VPS41: variants seen among roughly 807,000 people sequenced by gnomAD.
The protein encoded by VPS41 is vacuolar protein sorting-associated protein 41 homolog.
Under a neutral mutation model 130.9 loss-of-function variants are expected in VPS41, and 85 were observed. The ratio of observed to expected loss-of-function variants is 0.65; its 90% CI spans 0.55 to 0.78. The LOEUF (loss-of-function observed/expected upper bound fraction) is 0.78. VPS41 is among the 30% of genes least tolerant of loss of function. The pLI is 0.00. For missense variants in VPS41, 874 were observed against 1,018.7 expected (o/e 0.86, Z 1.93); for synonymous variants, 335 against 332.9 (o/e 1.01, Z -0.07).
Position 38,723,689 on chromosome 7 carries a change from A to ACT in VPS41, c.*2555_*2556dup. 7.7e-6 allele frequency: 1 copy of ACT among 130,220 alleles called. No homozygotes were observed. Among genetic ancestry groups the ACT allele is most frequent in the East Asian group, 2.2e-4 (1 of 4,516 alleles). 8.1% of individuals were successfully genotyped at this position (130,220 alleles called of 1,614,324 possible). ...CAGTGAGCCAAGATCATGTCACTGC[A>ACT]CTCCAGCCAAGGCAACAGAACGAGA... is the stretch of plus-strand genomic sequence containing the variant. On this transcript the variant is annotated 3_prime_UTR_variant, in exon 29 of 29. Transcript: ENST00000310301.
intron 2 of VPS41, among the ~76,000 whole-genome samples, chr7:38,874,635 A>G (rs1287427299): frequency 6.6e-6 from 1 of 152,188 alleles, no homozygotes; most frequent in Non-Finnish European, 1.5e-5. Context: ...GCTAGATACA[A>G]TAGGGAAACA....
Position 38,817,851 on chromosome 7 carries a change from G to T in VPS41, c.416C>A (p.Ser139Tyr). 6.2e-7 allele frequency: 1 copy of T among 1,614,074 alleles called. No individual in the cohort carries two copies. The highest frequency in any genetic ancestry group is 8.5e-7 in the Non-Finnish European group (1 of 1,179,998). Residue 139 changes from serine to tyrosine, a missense_variant, in exon 7 of 29, where the codon TCC (serine) becomes TAC (tyrosine). Transcript: ENST00000310301. The stretch of plus-strand genomic sequence containing the variant: ...TCCGGTCACAAACTGCTTGCAACTG[G>T]ATCTCACGAAATGTGGGTGCACAGC... ...IIAVHPHFVR[S>Y]SCKQFVTGGK...
chr7:38,740,125 T>C (rs989158234), intron 25 of VPS41, among the ~76,000 whole-genome samples: 2 of 152,200 alleles, frequency 1.3e-5, no homozygotes, highest in Non-Finnish European at 2.9e-5. Context: ...ACTTTTAACC[T>C]AGTGCAAGCT....
chr7:38,735,727 C>T (rs1795749560), intron 25 of VPS41, among the ~76,000 whole-genome samples: 2 of 152,168 alleles, frequency 1.3e-5, no homozygotes, highest in South Asian at 2.1e-4. Context: ...ACTCATGTAT[C>T]TGAATAAATG....
chr7:38,758,511 C>T (rs1403134317), intron 17 of VPS41, 30 bp from the exon 18 acceptor site: 7 of 1,598,066 alleles, frequency 4.4e-6, no homozygotes, highest in Middle Eastern at 1.7e-4. Context: ...AGAAAAAGAA[C>T]ACTCATTCAA....
chr7:38,768,511 C>T (rs1240174617), intron 14 of VPS41, among the ~76,000 whole-genome samples: 2 of 152,062 alleles, frequency 1.3e-5, no homozygotes, highest in Non-Finnish European at 2.9e-5. Flanking sequence ...GACTAATGTA[C>T]AGGACATGCC....
chr7:38,816,754 C>T (rs1450031632), intron 7 of VPS41, among the ~76,000 whole-genome samples: 1 of 152,064 alleles, frequency 6.6e-6, no homozygotes, highest in Non-Finnish European at 1.5e-5. Context: ...TTTCTCTTTA[C>T]ATTTTTTAAG....
intron 19 of VPS41, among the ~76,000 whole-genome samples, chr7:38,755,912 G>A (rs1001038232): frequency 2.6e-5 from 4 of 152,092 alleles, no homozygotes; most frequent in Non-Finnish European, 5.9e-5. Flanking sequence ...TTGGAGCTAC[G>A]TAATTCTTCG....
intron 2 of VPS41, among the ~76,000 whole-genome samples, chr7:38,897,194 CAA>C (rs60717646): frequency 8.6e-6 from 1 of 116,142 alleles, no homozygotes. Context: ...AACTCTGTCT[CAA>C]AAAAAAAAAA....
intron 4 of VPS41, among the ~76,000 whole-genome samples, chr7:38,831,633 C>A (rs117318987): frequency 2.2e-3 from 328 of 152,348 alleles, no homozygotes; most frequent in Non-Finnish European, 3.5e-3. Context: ...TTGAAAAGCT[C>A]ATGGCCTATC....
chr7:38,755,782 T>C (rs950781859), intron 19 of VPS41, among the ~76,000 whole-genome samples: 1 of 152,090 alleles, frequency 6.6e-6, no homozygotes, highest in Non-Finnish European at 1.5e-5. Context: ...CAAAACGAGC[T>C]CTGGAGAACA....
intron 7 of VPS41, among the ~76,000 whole-genome samples, chr7:38,807,541 T>C (rs1784864352): frequency 6.6e-6 from 1 of 152,184 alleles, no homozygotes; most frequent in Non-Finnish European, 1.5e-5. Context: ...TTATTAACTA[T>C]ATTCTACCTA....
intron 22 of VPS41, among the ~76,000 whole-genome samples, chr7:38,750,112 C>T (rs1796063759): frequency 6.6e-6 from 1 of 152,182 alleles, no homozygotes; most frequent in Non-Finnish European, 1.5e-5. Context: ...ACTATTTTCC[C>T]ACCCTCAGCT....
intron 4 of VPS41, among the ~76,000 whole-genome samples, chr7:38,852,815 C>G: frequency 6.6e-6 from 1 of 152,186 alleles, no homozygotes; most frequent in East Asian, 1.9e-4. Flanking sequence ...TGCACAGACA[C>G]TCATACTTTA....
At chr7:38,870,040 T>A (rs1243551202) in intron 2 of VPS41, among the ~76,000 whole-genome samples, 3 of 152,216 alleles carry the variant, frequency 2.0e-5, no homozygotes, top group Non-Finnish European at 4.4e-5. Context: ...ACAGCCACTT[T>A]CTTCCTGGAG....
At chr7:38,779,801 G>A (rs963998324) in intron 10 of VPS41, among the ~76,000 whole-genome samples, 1 of 152,138 alleles carries the variant, frequency 6.6e-6, no homozygotes, top group African/African-American at 2.4e-5. Context: ...AATGTTGAAT[G>A]ACAATATATA....
At chr7:38,830,450 A>C in intron 4 of VPS41, 122 bp from the exon 5 acceptor site, 1 of 746,086 alleles carries the variant, frequency 1.3e-6, no homozygotes, top group Non-Finnish European at 2.4e-6. Context: ...GACAGTTTCC[A>C]ACTATCTTAC....
At chr7:38,880,020 A>C (rs1483483822) in intron 2 of VPS41, among the ~76,000 whole-genome samples, 1 of 152,210 alleles carries the variant, frequency 6.6e-6, no homozygotes, top group Non-Finnish European at 1.5e-5. Flanking sequence ...TATACACTGT[A>C]CTAGTTACTT....
intron 4 of VPS41, among the ~76,000 whole-genome samples, chr7:38,849,190 G>A (rs1022719230): frequency 7.9e-5 from 12 of 152,068 alleles, no homozygotes; most frequent in African/African-American, 2.2e-4. Context: ...TCACTTCTTC[G>A]GTGCCCTGCT....
Sources: gnomAD v4.1 joint callset for allele counts (sites outside exome capture counted in the v4.1 genomes callset) on GRCh38, gnomAD v4.1.1 for gene constraint, MANE v1.5 for transcripts, NCBI Gene and HGNC (gene_info 2026-07-23, HGNC 2026-07-21) for gene names.